The following RALYL variants were observed in gnomAD, a reference collection of about 807,000 sequenced individuals.
RALYL encodes the protein RALY RNA binding protein like, also known as RNA-binding Raly-like protein.
RALYL carries 29 observed loss-of-function variants against 35.1 expected under a neutral mutation model. That is an observed-to-expected ratio of 0.83 (90% CI 0.61 to 1.13). The LOEUF is 1.13. Among genes scored for constraint, RALYL ranks in the 50% most tolerant of loss-of-function variants. The probability of loss-of-function intolerance (pLI) is 0.00; values close to 1 mark genes in which losing one functional copy is unlikely to be tolerated. For synonymous variants in RALYL, 120 were observed against 127.6 expected, an observed-to-expected ratio of 0.94 and a Z score of 0.40; for missense variants, 359 against 360.4, an observed-to-expected ratio of 1.00 and a Z score of 0.03.
At chr8:84,683,414 G>T in intron 2 of RALYL, among the ~76,000 whole-genome samples, 1 of 152,174 alleles carries the variant, frequency 6.6e-6, no homozygotes, top group East Asian at 1.9e-4. Context: ...TTTCTGTCTC[G>T]TTGATCTTTC....
chr8:84,353,730 G>A (rs1403872601), intron 1 of RALYL, among the ~76,000 whole-genome samples: 1 of 150,272 alleles, frequency 6.7e-6, no homozygotes, highest in East Asian at 1.9e-4. Flanking sequence ...AGGGTGTTTT[G>A]GTGAGCATTT....
intron 2 of RALYL, among the ~76,000 whole-genome samples, chr8:84,738,649 G>A (rs1847750414): frequency 6.6e-6 from 1 of 151,888 alleles, no homozygotes; most frequent in African/African-American, 2.4e-5. Context: ...CTATCAACAT[G>A]AGCATCATAG....
intron 1 of RALYL, among the ~76,000 whole-genome samples, chr8:84,429,506 C>G (rs1304510231): frequency 1.3e-5 from 2 of 151,936 alleles, no homozygotes; most frequent in African/African-American, 2.4e-5. Flanking sequence ...ATAAAATTTT[C>G]CCCCAAGTCC....
At chr8:84,197,374 AAG>A in intron 1 of RALYL, among the ~76,000 whole-genome samples, 1 of 152,174 alleles carries the variant, frequency 6.6e-6, no homozygotes, top group East Asian at 1.9e-4. Flanking sequence ...TATGGAGTTA[AAG>A]ACATGTTTAC....
At chr8:84,406,386 C>A (rs926624767) in intron 1 of RALYL, among the ~76,000 whole-genome samples, 4 of 151,724 alleles carry the variant, frequency 2.6e-5, no homozygotes, top group African/African-American at 9.7e-5. Flanking sequence ...GGTTGTACAC[C>A]CACTTTGAAA....
intron 2 of RALYL, among the ~76,000 whole-genome samples, chr8:84,729,599 GT>G (rs1235519848): frequency 3.3e-5 from 5 of 152,076 alleles, no homozygotes; most frequent in Admixed American, 1.3e-4. Context: ...CCAGAAGCTG[GT>G]TTTTTGAAAG....
At chr8:84,621,298 G>A (rs1330860717) in intron 2 of RALYL, among the ~76,000 whole-genome samples, 1 of 152,204 alleles carries the variant, frequency 6.6e-6, no homozygotes, top group Non-Finnish European at 1.5e-5. Flanking sequence ...TAATCTCGTG[G>A]TCTGCCATTT....
chr8:84,209,110 A>T (rs2131130426), intron 1 of RALYL, among the ~76,000 whole-genome samples: 1 of 134,914 alleles, frequency 7.4e-6, no homozygotes, highest in East Asian at 2.1e-4. Flanking sequence ...TTGCATAAAC[A>T]TCCCACTCCT....
chr8:84,729,972 C>A (rs1413216021), intron 2 of RALYL, among the ~76,000 whole-genome samples: 1 of 152,098 alleles, frequency 6.6e-6, no homozygotes, highest in African/African-American at 2.4e-5. Flanking sequence ...GGAACTGGTA[C>A]CATTCCTTCT....
intron 2 of RALYL, among the ~76,000 whole-genome samples, chr8:84,657,585 C>A (rs994300840): frequency 2.6e-5 from 4 of 152,088 alleles, no homozygotes; most frequent in African/African-American, 9.7e-5. Context: ...CAGATGAATA[C>A]CTTCAGTAGA....
chr8:84,764,392 T>A (rs898006715), intron 2 of RALYL, among the ~76,000 whole-genome samples: 6 of 152,214 alleles, frequency 3.9e-5, no homozygotes, highest in African/African-American at 1.4e-4. Context: ...ACATTTTAAT[T>A]TTATTCCTAA....
chr8:84,662,446 A>T (rs1341021787), intron 2 of RALYL, among the ~76,000 whole-genome samples: 1 of 152,200 alleles, frequency 6.6e-6, no homozygotes, highest in Non-Finnish European at 1.5e-5. Flanking sequence ...CATCATTTTA[A>T]TGTTTTTAGA....
rs148568357 is a variant in RALYL, at chr8:84,714,236, G to C, written c.257-60343G>C. Among the ~76,000 whole-genome samples, 9 of 151,942 alleles carry C rather than the reference G, an allele frequency of 5.9e-5. No individual in the cohort carries two copies. In the East Asian group the frequency reaches 1.7e-3, roughly 29 times the overall value. Reference sequence around the variant, plus strand: ...AACAGAAGCAGAGAGTAGAATGGGGGTTACCAGAGGTTAGGTGGACAGGAA... The same window carrying C: ...AACAGAAGCAGAGAGTAGAATGGGGCTTACCAGAGGTTAGGTGGACAGGAA... On this transcript the variant is annotated intron_variant, in intron 2 of 8. Coordinates refer to ENST00000521268, the MANE Select transcript of RALYL (RefSeq NM_173848.7).
intron 2 of RALYL, among the ~76,000 whole-genome samples, chr8:84,571,638 ATT>A (rs1338374913): frequency 6.6e-6 from 1 of 150,538 alleles, no homozygotes; most frequent in Non-Finnish European, 1.5e-5. Context: ...TTTGCTATTT[ATT>A]TTCTTATGCT....
chr8:84,230,838 GGAAAT>G (rs1373983452), intron 1 of RALYL, among the ~76,000 whole-genome samples: 3 of 152,204 alleles, frequency 2.0e-5, no homozygotes, highest in Non-Finnish European at 4.4e-5. Context: ...TGGGGAATAA[GGAAAT>G]GATTCAAGTC....
intron 1 of RALYL, among the ~76,000 whole-genome samples, chr8:84,433,725 C>T (rs1297191365): frequency 6.6e-6 from 1 of 151,860 alleles, no homozygotes; most frequent in Non-Finnish European, 1.5e-5. Flanking sequence ...GAACTGTAAG[C>T]CCAATTAAAC....
intron 2 of RALYL, among the ~76,000 whole-genome samples, chr8:84,595,716 A>AT (rs1373288933): frequency 1.3e-5 from 2 of 148,852 alleles, no homozygotes; most frequent in Non-Finnish European, 1.5e-5. Context: ...TAGCAACATT[A>AT]TTTTTTCCTC....
At chr8:84,683,541 A>T (rs945010167) in intron 2 of RALYL, among the ~76,000 whole-genome samples, 1 of 152,318 alleles carries the variant, frequency 6.6e-6, no homozygotes, top group South Asian at 2.1e-4. Context: ...TTGGGTGCAT[A>T]TAAGATTCAT....
At chr8:84,469,626 A>G (rs896771970) in intron 1 of RALYL, among the ~76,000 whole-genome samples, 2 of 152,208 alleles carry the variant, frequency 1.3e-5, no homozygotes, top group African/African-American at 4.8e-5. Flanking sequence ...GGTGGAGCCT[A>G]CAGAGGAAAG....
Sources: allele counts gnomAD v4.1 joint callset (sites outside exome capture counted in the v4.1 genomes callset), GRCh38; gene constraint gnomAD v4.1.1; transcripts MANE v1.5; gene names NCBI Gene and HGNC (gene_info 2026-07-23, HGNC 2026-07-21).